TENM1: variants seen among roughly 807,000 people sequenced by gnomAD.
TENM1 encodes teneurin transmembrane protein 1.
Under a neutral mutation model 174.8 loss-of-function variants are expected in TENM1, and 35 were observed. The ratio of observed to expected loss-of-function variants is 0.20; its 90% CI spans 0.15 to 0.27. The LOEUF is 0.27. Among genes scored for constraint, TENM1 ranks in the 10% least tolerant of loss-of-function variants. The pLI, the probability that TENM1 is intolerant of heterozygous loss-of-function variation, is 1.00. For synonymous variants in TENM1, 781 were observed against 798.7 expected (o/e 0.98, Z 0.37); for missense variants, 1,633 against 2,130.1 (o/e 0.77, Z 4.59).
intron 18 of TENM1, among the ~76,000 whole-genome samples, chrX:124,513,386 T>A (rs2047627482): frequency 1.8e-5 from 2 of 111,919 alleles, no homozygotes; most frequent in African/African-American, 6.5e-5. Context: ...TTATGACAAA[T>A]TGAGCCTACC....
chrX:124,406,480 G>A (rs1569529596), exon 26 of TENM1: 3 of 1,196,089 alleles, frequency 2.5e-6, no homozygotes, highest in East Asian at 3.0e-5. Context: ...GGTGTCCCTC[G>A]GGGTCATACC....
intron 6 of TENM1, among the ~76,000 whole-genome samples, chrX:124,664,169 C>T (rs1285209642): frequency 8.1e-5 from 9 of 111,799 alleles, no homozygotes; most frequent in Non-Finnish European, 1.9e-5. Flanking sequence ...GTTGTGCTTA[C>T]ATGAATTATT....
exon 32 of TENM1, chrX:124,378,860 T>C (rs1307600079): frequency 8.9e-6 from 1 of 112,224 alleles, no homozygotes; most frequent in Non-Finnish European, 1.9e-5. Flanking sequence ...CCACACTGCA[T>C]TTAGGTAGCA....
At chrX:124,666,629 C>T (rs2051772572) in intron 6 of TENM1, among the ~76,000 whole-genome samples, 1 of 111,673 alleles carries the variant, frequency 9.0e-6, no homozygotes, top group Non-Finnish European at 1.9e-5. Flanking sequence ...AATTCCACCC[C>T]TGAAAAGACC....
intron 8 of TENM1, among the ~76,000 whole-genome samples, chrX:124,647,730 G>GGTGT (rs113751818): frequency 0.029 from 3,002 of 103,846 alleles, 108 homozygotes; most frequent in African/African-American, 0.1. Flanking sequence ...TTTTTTTTGT[G>GGTGT]GTGTGTGTGT....
chrX:124,576,669 G>T (rs2049173113), intron 11 of TENM1, among the ~76,000 whole-genome samples: 1 of 111,996 alleles, frequency 8.9e-6, no homozygotes. Context: ...TCTAAGAGTG[G>T]CTACTTAAGA....
At chrX:125,122,889 G>GA in the TENM1 span, among the ~76,000 whole-genome samples, 1 of 111,032 alleles carries the variant, frequency 9.0e-6, no homozygotes, top group Non-Finnish European at 1.9e-5. Context: ...TTATTCTGCA[G>GA]AAAAAAATAT....
chrX:124,541,533 G>T (rs1397592567), intron 15 of TENM1, among the ~76,000 whole-genome samples: 1 of 112,338 alleles, frequency 8.9e-6, no homozygotes, highest in South Asian at 3.7e-4. Context: ...AAGCTGAGCA[G>T]ATGCCAGCAT....
chrX:124,428,144 T>G lies in TENM1; in HGVS notation c.4105-5506A>C, dbSNP rs1273382531. ...AAAGGTCACTTGTGTAGCCGCCAGC[T>G]GGTGGAATGTGCCTATCTCCCAACA... On this transcript the variant is annotated intron_variant, in intron 23 of 31. Coordinates refer to ENST00000422452, the Ensembl canonical transcript of TENM1. Among the ~76,000 whole-genome samples, 5 of 112,138 alleles carry G rather than the reference T, an allele frequency of 4.5e-5. No homozygotes were observed. The East Asian group carries it at 1.4e-3, about 31-fold the overall frequency.
intron 25 of TENM1, among the ~76,000 whole-genome samples, chrX:124,412,615 C>G (rs192877120): frequency 8.9e-6 from 1 of 112,654 alleles, no homozygotes; most frequent in African/African-American, 3.2e-5. Context: ...AATAAGAATT[C>G]TTTAGGAAAT....
At chrX:124,667,453 G>A (rs1202156402) in intron 6 of TENM1, among the ~76,000 whole-genome samples, 7 of 109,709 alleles carry the variant, frequency 6.4e-5, no homozygotes, top group African/African-American at 2.3e-4. Context: ...AGCTGGATGT[G>A]GTGGTGGGCA....
intron 3 of TENM1, among the ~76,000 whole-genome samples, chrX:124,830,419 C>T (rs1016881061): frequency 2.4e-4 from 27 of 111,786 alleles, no homozygotes; most frequent in African/African-American, 7.5e-4. Flanking sequence ...GCAGTAGCAA[C>T]GTCGTGCATT....
chrX:125,131,890 T>A, the TENM1 span, among the ~76,000 whole-genome samples: 3 of 111,728 alleles, frequency 2.7e-5, no homozygotes, highest in African/African-American at 9.8e-5. Flanking sequence ...GTAAATGAGG[T>A]GAAATTGCAT....
At chrX:124,384,796 C>T in exon 30 of TENM1, 1 of 1,210,545 alleles carries the variant, frequency 8.3e-7, no homozygotes, top group Non-Finnish European at 1.1e-6. Flanking sequence ...TGTAGTCGAA[C>T]CGTGCATTCA....
chrX:124,783,580 G>T (rs1254238979), intron 3 of TENM1, among the ~76,000 whole-genome samples: 1 of 111,392 alleles, frequency 9.0e-6, no homozygotes, highest in Non-Finnish European at 1.9e-5. Flanking sequence ...CTTTCTGCAG[G>T]TGATAATCAC....
the TENM1 span, among the ~76,000 whole-genome samples, chrX:125,031,359 T>C: frequency 1.8e-5 from 2 of 111,908 alleles, no homozygotes; most frequent in Admixed American, 9.5e-5. Context: ...ATATTAATTA[T>C]ATTGTTTCTT....
intron 3 of TENM1, among the ~76,000 whole-genome samples, chrX:124,877,343 G>A (rs1015905025): frequency 8.9e-6 from 1 of 111,847 alleles, no homozygotes; most frequent in Non-Finnish European, 1.9e-5. Context: ...ATGATATTCT[G>A]CTCTTTTAAC....
the TENM1 span, among the ~76,000 whole-genome samples, chrX:125,078,747 C>T: frequency 4.5e-5 from 5 of 111,310 alleles, no homozygotes; most frequent in African/African-American, 1.3e-4. Flanking sequence ...GTGTATTGCT[C>T]GCATACCTAA....
chrX:124,611,219 G>A (rs2050270719), intron 11 of TENM1, among the ~76,000 whole-genome samples: 1 of 111,814 alleles, frequency 8.9e-6, no homozygotes, highest in African/African-American at 3.2e-5. Context: ...TCCAAGGCAG[G>A]CTAAAAGAAA....
Sources: gnomAD v4.1 joint callset for allele counts (sites outside exome capture counted in the v4.1 genomes callset) on GRCh38, gnomAD v4.1.1 for gene constraint, MANE v1.5 for transcripts, NCBI Gene and HGNC (gene_info 2026-07-23, HGNC 2026-07-21) for gene names.